Variants in PRAMEF15 observed in about 807,000 individuals in gnomAD.
The protein encoded by PRAMEF15 is PRAME family member 9/15.
Under a neutral mutation model 35.3 loss-of-function variants are expected in PRAMEF15, and 21 were observed. The observed-to-expected ratio is 0.59, with a 90% CI of 0.42 to 0.86. PRAMEF15 has a LOEUF of 0.86. Ranked by LOEUF, PRAMEF15 falls within the 40% of genes least tolerant of loss-of-function variation. The pLI, the probability that PRAMEF15 is intolerant of heterozygous loss-of-function variation, is 0.00. For missense variants in PRAMEF15, 360 were observed against 574.1 expected (o/e 0.63, Z 3.81); for synonymous variants, 122 against 223.3 (o/e 0.55, Z 4.05).
At chr1:13,321,474 C>T (rs1433421351) in intron 3 of PRAMEF15, among the ~76,000 whole-genome samples, 29 of 151,902 alleles carry the variant, frequency 1.9e-4, no homozygotes, top group Middle Eastern at 3.4e-3. Flanking sequence ...CTCAGCCTCC[C>T]AAAGTGCTGG....
At chr1:13,320,204 G>T (rs1238962633) in intron 3 of PRAMEF15, among the ~76,000 whole-genome samples, 1 of 152,064 alleles carries the variant, frequency 6.6e-6, no homozygotes, top group Non-Finnish European at 1.5e-5. Context: ...CTACTGGGGG[G>T]TTCAGATCTA....
chr1:13,321,844 T>A lies in PRAMEF15; in HGVS notation c.1017T>A (p.Ser339Arg), dbSNP rs1640088306. The A allele has an allele frequency of 1.2e-6, 2 of 1,607,680 alleles. 1 individual carries two copies. Among genetic ancestry groups the A allele is most frequent in the Non-Finnish European group, 1.7e-6 (2 of 1,177,378 alleles). ...GTGGCATCAGACTGACCAATTATAG[T>A]CTTGTGCCTCTCCAAATTCTCCTAG... ...DLSGIRLTNY[S>R]LVPLQILLEK... The change falls in exon 4 of 4, where the codon AGT (serine) becomes AGA (arginine). Residue 339 changes from serine (S) to arginine (R), a missense_variant. Coordinates refer to ENST00000376152, the MANE Select transcript of PRAMEF15 (RefSeq NM_001098376.3).
chr1:13,320,495 C>G (rs1334562891), intron 3 of PRAMEF15, among the ~76,000 whole-genome samples: 1 of 152,104 alleles, frequency 6.6e-6, no homozygotes, highest in African/African-American at 2.4e-5. Context: ...GACATCTCAG[C>G]TCGCAGCGAC....
rs1472392845 is a variant in PRAMEF15, at chr1:13,322,445, A to T, written c.*181A>T. 1 of 754,546 alleles carries T rather than the reference A, an allele frequency of 1.3e-6. No homozygotes were observed. 46.7% of individuals were successfully genotyped at this position (754,546 alleles called of 1,614,324 possible). ...GGACTTGGGGGAAATGTTGCCATGG[A>T]TTCGATGGGACTTTGGGGACCTGTG... On this transcript the variant is annotated 3_prime_UTR_variant, in exon 4 of 4. Coordinates refer to ENST00000376152, the MANE Select transcript of PRAMEF15 (RefSeq NM_001098376.3).
At position 13,322,102 on chromosome 1, in the gene PRAMEF15, T is replaced by A; in HGVS notation, c.1275T>A (p.Asp425Glu). Reference sequence around the variant, plus strand: ...CCCCCCGAGAGAGTTATGGTGCTGATGGTACTCTCTGCTGGAGCAGATTTG... The same window carrying A: ...CCCCCCGAGAGAGTTATGGTGCTGAAGGTACTCTCTGCTGGAGCAGATTTG... ...YPAPRESYGA[D>E]GTLCWSRFAQ... is the part of the protein sequence containing the mutation. The change falls in exon 4 of 4, where the codon GAT becomes GAA. Residue 425 changes from aspartate (D) to glutamate (E), a missense_variant. By Grantham distance (45) the Asp-to-Glu change is conservative. This residue lies in a region of PRAMEF15 where 147 missense variants were observed against 123.5 expected (regional missense o/e 1.19). Transcript: ENST00000376152. 2 of 1,608,926 alleles carry A rather than the reference T, an allele frequency of 1.2e-6. No homozygotes were observed. The highest frequency in any genetic ancestry group is 1.1e-5 in the South Asian group (1 of 90,688).
rs1384872833 is a variant in PRAMEF15 at position 13,316,247 on chromosome 1, ACCT to A, written c.-17+590_-17+592del. ...TCGAACACCTGACCTCAAGTGATCC[ACCT>A]GCCTTGGCCTCCCAAAGTGCTGGGA... is the stretch of plus-strand genomic sequence containing the variant. On this transcript the variant is annotated intron_variant, in intron 1 of 3. Coordinates refer to ENST00000376152, the MANE Select transcript of PRAMEF15 (RefSeq NM_001098376.3). Among the ~76,000 whole-genome samples, 81 of 151,644 alleles carry A rather than the reference ACCT, an allele frequency of 5.3e-4. No individual in the cohort carries two copies. The East Asian group carries it at 0.013, about 25-fold the overall frequency.
chr1:13,322,081 C>G lies in PRAMEF15; in HGVS notation c.1254C>G (p.Pro418=). ...KNLCVELYPA[P]RESYGADGTL... ...TATGTGTGGAGCTGTATCCTGCCCC[C>G]CGAGAGAGTTATGGTGCTGATGGTA... Residue 418 remains proline, a synonymous_variant, in exon 4 of 4, where the codon CCC becomes CCG. Transcript: ENST00000376152. 3 of 1,609,022 alleles carry G rather than the reference C, an allele frequency of 1.9e-6. No individual in the cohort carries two copies. Among genetic ancestry groups the G allele is most frequent in the South Asian group, 1.1e-5 (1 of 90,716 alleles).
intron 3 of PRAMEF15, among the ~76,000 whole-genome samples, chr1:13,321,001 T>C (rs2100325133): frequency 6.6e-6 from 1 of 152,140 alleles, no homozygotes; most frequent in South Asian, 2.1e-4. Flanking sequence ...GATACAGGCA[T>C]GTCAGGGATG....
At chr1:13,315,998 C>G (rs1278119480) in intron 1 of PRAMEF15, among the ~76,000 whole-genome samples, 2 of 150,772 alleles carry the variant, frequency 1.3e-5, no homozygotes, top group East Asian at 3.9e-4. Context: ...CTCCTCTGCA[C>G]AACGTTTTTT....
intron 1 of PRAMEF15, among the ~76,000 whole-genome samples, chr1:13,317,798 A>G (rs1283832073): frequency 1.4e-3 from 202 of 146,458 alleles, no homozygotes; most frequent in African/African-American, 5.4e-3. Flanking sequence ...AGGGAGAGAG[A>G]GAAAGAGAGA....
At chr1:13,316,560 C>T (rs1183634304) in intron 1 of PRAMEF15, among the ~76,000 whole-genome samples, 8 of 151,960 alleles carry the variant, frequency 5.3e-5, no homozygotes, top group Admixed American at 5.3e-4. Flanking sequence ...AAGGCTGAAG[C>T]ATGAGAATTG....
intron 2 of PRAMEF15, among the ~76,000 whole-genome samples, chr1:13,319,071 G>A (rs1428427655): frequency 6.6e-6 from 1 of 151,904 alleles, no homozygotes; most frequent in Non-Finnish European, 1.5e-5. Flanking sequence ...GTGGGTTCCT[G>A]TAATCCCAGC....
At chr1:13,320,317 G>C (rs1256465711) in intron 3 of PRAMEF15, among the ~76,000 whole-genome samples, 1 of 152,076 alleles carries the variant, frequency 6.6e-6, no homozygotes, top group African/African-American at 2.4e-5. Flanking sequence ...CTATCACTTT[G>C]GGAGTCTGAG....
chr1:13,317,273 T>C (rs1640017740), intron 1 of PRAMEF15, among the ~76,000 whole-genome samples: 1 of 151,852 alleles, frequency 6.6e-6, no homozygotes, highest in South Asian at 2.1e-4. Context: ...TTTTACCATG[T>C]TGGCCAGGCT....
intron 1 of PRAMEF15, among the ~76,000 whole-genome samples, chr1:13,316,388 G>A (rs1360879467): frequency 9.2e-5 from 14 of 151,606 alleles, no homozygotes; most frequent in African/African-American, 2.7e-4. Context: ...TCATACCACT[G>A]CTGTACTCCA....
intron 3 of PRAMEF15, among the ~76,000 whole-genome samples, chr1:13,321,217 T>C (rs1173086303): frequency 6.8e-6 from 1 of 146,204 alleles, no homozygotes; most frequent in African/African-American, 2.6e-5. Context: ...TTATTTTTTC[T>C]CCTTTTTTTT....
chr1:13,316,634 G>A (rs1401664307), intron 1 of PRAMEF15, among the ~76,000 whole-genome samples: 6 of 151,982 alleles, frequency 3.9e-5, no homozygotes, highest in South Asian at 2.1e-4. Flanking sequence ...CAGCTTGGGC[G>A]ACGATGTGAG....
intron 3 of PRAMEF15, among the ~76,000 whole-genome samples, chr1:13,321,450 A>G (rs1640082199): frequency 6.6e-6 from 1 of 151,654 alleles, no homozygotes; most frequent in African/African-American, 2.4e-5. Flanking sequence ...CCTGATCTCA[A>G]GGAATCCACC....
chr1:13,322,124 T>G lies in PRAMEF15; in HGVS notation c.1297T>G (p.Phe433Val). 2 of 1,608,476 alleles carry G rather than the reference T, an allele frequency of 1.2e-6. No individual in the cohort carries two copies. The highest frequency in any genetic ancestry group is 1.7e-6 in the Non-Finnish European group (2 of 1,178,812). ...TGATGGTACTCTCTGCTGGAGCAGATTTGCTCAAATTAGGGCTGAGCTGAT... is the reference window on the plus strand; with the variant it reads ...TGATGGTACTCTCTGCTGGAGCAGAGTTGCTCAAATTAGGGCTGAGCTGAT... ...GADGTLCWSR[F>V]AQIRAELMNR... The change falls in exon 4 of 4, where the codon TTT becomes GTT. Residue 433 changes from phenylalanine (F) to valine (V), a missense_variant. Around this residue, in one of 8 missense-constraint regions of PRAMEF15, gnomAD observed 147 missense variants for 123.5 expected, o/e 1.19. Transcript: ENST00000376152.
Sources: gnomAD v4.1 joint callset for allele counts (sites outside exome capture counted in the v4.1 genomes callset) on GRCh38, gnomAD v4.1.1 for gene constraint, gnomAD v4.1.1 regional missense constraint, MANE v1.5 for transcripts, NCBI Gene and HGNC (gene_info 2026-07-23, HGNC 2026-07-21) for gene names.